Variants in TTC19 observed in about 807,000 individuals in gnomAD.
TTC19 encodes the protein tetratricopeptide repeat protein 19, mitochondrial.
TTC19 carries 38 observed loss-of-function variants against 49.5 expected under a neutral mutation model. That is an observed-to-expected ratio of 0.77 (90% CI 0.59 to 1.01). The LOEUF (loss-of-function observed/expected upper bound fraction) is 1.01. Ranked by LOEUF, TTC19 falls within the 50% of genes least tolerant of loss-of-function variation. The probability of loss-of-function intolerance (pLI) is 0.00; values close to 1 mark genes in which losing one functional copy is unlikely to be tolerated. For synonymous variants in TTC19, 204 were observed against 185.2 expected (o/e 1.10, Z -0.83); for missense variants, 475 against 477.7 (o/e 0.99, Z 0.05).
intron 7 of TTC19, among the ~76,000 whole-genome samples, chr17:16,020,592 G>C (rs188930179): frequency 1.0e-3 from 157 of 152,222 alleles, no homozygotes; most frequent in Non-Finnish European, 1.2e-3. Flanking sequence ...GGGTGCTAAT[G>C]TTTAAATCTG....
intron 7 of TTC19, among the ~76,000 whole-genome samples, chr17:16,015,316 C>T (rs906515084): frequency 1.3e-5 from 2 of 151,888 alleles, no homozygotes; most frequent in Middle Eastern, 3.2e-3. Context: ...CAATATAGGA[C>T]AGTGCTAAAA....
intron 5 of TTC19, 133 bp downstream of exon 5, chr17:16,004,020 C>G (rs1404915902): frequency 1.7e-6 from 2 of 1,158,370 alleles, no homozygotes; most frequent in Non-Finnish European, 2.6e-6. Context: ...GATCTCTATA[C>G]AAATTGCCAT....
intron 7 of TTC19, among the ~76,000 whole-genome samples, chr17:16,008,398 G>C (rs1216301813): frequency 3.3e-5 from 5 of 152,124 alleles, no homozygotes; most frequent in African/African-American, 7.2e-5. Context: ...AAGAACCTAA[G>C]AATTGTCCAT....
intron 2 of TTC19, 170 bp downstream of exon 2, chr17:16,000,415 CAGGCTTTTCCGACTCTA>C: frequency 6.8e-7 from 1 of 1,465,550 alleles, no homozygotes; most frequent in Middle Eastern, 2.5e-4. Context: ...GGAATCCATC[CAGGCTTTTCCGACTCTA>C]AGGCCTGCAG....
intron 7 of TTC19, among the ~76,000 whole-genome samples, chr17:16,016,418 G>T (rs1297682082): frequency 6.6e-6 from 1 of 152,178 alleles, no homozygotes; most frequent in Non-Finnish European, 1.5e-5. Context: ...TTATCCTGGA[G>T]AATGTTGTAT....
chr17:16,014,722 C>T (rs1242448027), intron 7 of TTC19, among the ~76,000 whole-genome samples: 2 of 152,186 alleles, frequency 1.3e-5, no homozygotes, highest in African/African-American at 2.4e-5. Flanking sequence ...AATCTGAAAT[C>T]TGAAACACTT....
chr17:16,002,981 G>T lies in TTC19; in HGVS notation c.462+150G>T, dbSNP rs1970787602. 8.6e-6 allele frequency: 7 copies of T among 812,720 alleles called. No individual in the cohort carries two copies. In the Admixed American group the frequency reaches 1.5e-4, roughly 18 times the overall value. The allele number at this position is 812,720 out of a possible 1,614,324, so 50.3% of individuals were successfully genotyped here. On this transcript the variant is annotated intron_variant, in intron 4 of 9. Coordinates refer to ENST00000261647, the MANE Select transcript of TTC19 (RefSeq NM_017775.4). ...ATAAAAGTGTATTTCTCTTTATTGT[G>T]TTAGTCCAGAGATAGGCTAAAGACT...
intron 7 of TTC19, chr17:16,024,610 G>A (rs987107492): frequency 3.0e-5 from 8 of 265,668 alleles, no homozygotes; most frequent in East Asian, 1.1e-4. Flanking sequence ...CGGCCTTTAC[G>A]TTGAATTCTT....
intron 7 of TTC19, among the ~76,000 whole-genome samples, chr17:16,014,483 C>G (rs574471829): frequency 2.6e-5 from 4 of 152,186 alleles, no homozygotes; most frequent in Admixed American, 6.5e-5. Context: ...AAATTTGATT[C>G]TAACTGACTC....
chr17:16,039,314 A>G, intron 2 of TTC19: 1 of 935,354 alleles, frequency 1.1e-6, no homozygotes, highest in Non-Finnish European at 1.6e-6. Flanking sequence ...AAACCCTAAG[A>G]GGTGACTCTG....
chr17:16,028,828 A>AAAAAAAAAAC lies in TTC19; in HGVS notation c.*1315_*1316insCAAAAAAAAA. On this transcript the variant is annotated 3_prime_UTR_variant, in exon 10 of 10. Transcript: ENST00000261647. ...AATCTTTGCATTTCTCAAAAAAAAAAAAAAAAAAAAAAAAAAAACTTTCTG... is the reference window on the plus strand; with the variant it reads ...AATCTTTGCATTTCTCAAAAAAAAAAAAAAAAAAACAAAAAAAAAAAAAAAAAACTTTCTG... 1 of 361,304 alleles carries AAAAAAAAAAC rather than the reference A, an allele frequency of 2.8e-6. No individual in the cohort carries two copies. Among genetic ancestry groups the AAAAAAAAAAC allele is most frequent in the South Asian group, 2.1e-5 (1 of 48,688 alleles). 22.4% of individuals were successfully genotyped at this position (361,304 alleles called of 1,614,324 possible).
chr17:16,011,937 C>G (rs981147148), intron 7 of TTC19, among the ~76,000 whole-genome samples: 1 of 151,970 alleles, frequency 6.6e-6, no homozygotes, highest in Non-Finnish European at 1.5e-5. Context: ...CCCCAAAACT[C>G]ATTAACTTTT....
At position 15,999,865 on chromosome 17, in the gene TTC19, G is replaced by A. The variant is rs1427559297; in HGVS notation, c.17G>A (p.Ser6Asn). The change falls in exon 1 of 10, where the codon AGC (serine) becomes AAC (asparagine). Residue 6 changes from serine to asparagine, a missense_variant. By Grantham distance (46) the Ser-to-Asn change is conservative. Coordinates refer to ENST00000261647, the MANE Select transcript of TTC19 (RefSeq NM_017775.4). MFRLL[S>N]WSLGRGFLRA... ...GGCGGGAGCATGTTCCGGCTCCTGA[G>A]CTGGAGCCTGGGCCGAGGCTTCCTG... 1 of 1,495,798 alleles carries A rather than the reference G, an allele frequency of 6.7e-7. No individual in the cohort carries two copies. The highest frequency in any genetic ancestry group is 8.9e-7 in the Non-Finnish European group (1 of 1,129,770). 92.7% of individuals were successfully genotyped at this position (1,495,798 alleles called of 1,614,324 possible). A position where few individuals can be genotyped will look rare whatever the true frequency, so the allele number is the denominator to read the frequency against.
In TTC19 at chr17:16,035,011, A is replaced by T. The variant is rs1269163537; in HGVS notation, c.247+8309A>T. On this transcript the variant is annotated intron_variant, in intron 2 of 2. Transcript: ENST00000470649. Reference sequence around the variant, plus strand: ...CTCAAAAATTACCAAAATGCTAATGATTATATATTGCTAAATGAAAAAAAA... The same window carrying T: ...CTCAAAAATTACCAAAATGCTAATGTTTATATATTGCTAAATGAAAAAAAA... 3.5e-6 allele frequency: 5 copies of T among 1,448,300 alleles called. No homozygotes were observed. The Admixed American group carries it at 9.6e-5, about 28-fold the overall frequency. 89.7% of individuals were successfully genotyped at this position (1,448,300 alleles called of 1,614,324 possible). A position where few individuals can be genotyped will look rare whatever the true frequency, so the allele number is the denominator to read the frequency against.
At chr17:16,034,696 A>G in intron 2 of TTC19, 1 of 1,365,028 alleles carries the variant, frequency 7.3e-7, no homozygotes, top group Non-Finnish European at 1.0e-6. Context: ...CTGAATTTTG[A>G]AGAACTAATA....
At chr17:16,030,883 G>T, downstream of TTC19, 1 of 191,398 alleles carries the variant, frequency 5.2e-6, no homozygotes, top group Admixed American at 6.1e-5. Flanking sequence ...TTGTTTAAAA[G>T]TTTAGGTCTA....
rs775515288 is a variant in TTC19, at chr17:16,039,612, C to G, written c.248-4891C>G. 8 of 1,614,122 alleles carry G rather than the reference C, an allele frequency of 5.0e-6. No homozygotes were observed. In the South Asian group the frequency reaches 7.7e-5, roughly 16 times the overall value. On this transcript the variant is annotated intron_variant, in intron 2 of 2. Transcript: ENST00000470649. ...GATAATGTCTTCCAGCCCAAGATTA[C>G]TGGCAGGATCAGCAAAAGAATGGCC... is the stretch of plus-strand genomic sequence containing the variant.
rs770164715 is a variant in TTC19 at position 16,025,188 on chromosome 17, CAG to C, written c.831+19_831+20del. On this transcript the variant is annotated intron_variant, in intron 8 of 9. Coordinates refer to ENST00000261647, the MANE Select transcript of TTC19 (RefSeq NM_017775.4). ...CACCCACAGGTAAGGGAGGAAAACA[CAG>C]AAGGGGGAATATAAAACAAAGGCTT... The C allele has an allele frequency of 1.2e-6, 2 of 1,611,318 alleles. No homozygotes were observed. The highest frequency in any genetic ancestry group is 1.3e-5 in the African/African-American group (1 of 74,874).
chr17:16,038,781 A>G (rs1032424318), intron 2 of TTC19, among the ~76,000 whole-genome samples: 5 of 150,476 alleles, frequency 3.3e-5, no homozygotes, highest in African/African-American at 1.2e-4. Flanking sequence ...CTGTGTATGT[A>G]TGTATTTTGA....
Sources: gnomAD v4.1 joint callset for allele counts (sites outside exome capture counted in the v4.1 genomes callset) on GRCh38, gnomAD v4.1.1 for gene constraint, MANE v1.5 for transcripts, NCBI Gene and HGNC (gene_info 2026-07-23, HGNC 2026-07-21) for gene names.